BCAP31: variants seen among roughly 807,000 people sequenced by gnomAD.
The protein encoded by BCAP31 is B cell receptor associated protein 31.
For synonymous variants in BCAP31, 75 were observed against 80.9 expected, an observed-to-expected ratio of 0.93 and a Z score of 0.39; for missense variants, 124 against 193.0, an observed-to-expected ratio of 0.64 and a Z score of 2.12.
At chrX:153,703,581 G>A (rs1156391671) in intron 5 of BCAP31, among the ~76,000 whole-genome samples, 1 of 113,090 alleles carries the variant, frequency 8.8e-6, no homozygotes, top group Non-Finnish European at 1.9e-5. Flanking sequence ...AGCACTGAGG[G>A]ATGCCACAGA....
chrX:153,718,134 G>A (rs1430487288), intron 3 of BCAP31, among the ~76,000 whole-genome samples: 2 of 110,186 alleles, frequency 1.8e-5, no homozygotes, highest in African/African-American at 6.6e-5. Context: ...TGGCCAACAC[G>A]GTGAAACCTC....
In BCAP31 at chrX:153,715,643, C is replaced by A; in HGVS notation, c.240G>T (p.Val80=). 1 of 1,211,626 alleles carries A rather than the reference C, an allele frequency of 8.3e-7. No individual in the cohort carries two copies. The highest frequency in any genetic ancestry group is 2.3e-4 in the Middle Eastern group (1 of 4,351). Residue 80 remains valine, a synonymous_variant, in exon 4 of 8, where the codon GTG becomes GTT. Transcript: ENST00000345046. ...IRKYDDVTEK[V]NLQNNPGAME... ...TGGCCCCGGGATTGTTCTGGAGGTT[C>A]ACCTTTTCCGTCACATCATCATACT...
At chrX:153,712,565 C>G (rs1486750001) in intron 4 of BCAP31, among the ~76,000 whole-genome samples, 1 of 111,160 alleles carries the variant, frequency 9.0e-6, no homozygotes. Context: ...TTTTTAAACA[C>G]GGGAATGTTT....
Position 153,700,763 on chromosome X carries a change from A to G in BCAP31, c.*174T>C, listed in dbSNP as rs1169621771. The G allele has an allele frequency of 2.3e-6, 1 of 442,473 alleles. No homozygotes were observed. The highest frequency in any genetic ancestry group is 2.6e-5 in the African/African-American group (1 of 38,844). The allele number at this position is 442,473 out of a possible 1,213,427, so 36.5% of individuals were successfully genotyped here. Reference sequence around the variant, plus strand: ...AACGTGTAGCAATCAGGTCCCCTGTAATGTGCTTGGAGAGTGTGGACAAGG... The same window carrying G: ...AACGTGTAGCAATCAGGTCCCCTGTGATGTGCTTGGAGAGTGTGGACAAGG... On this transcript the variant is annotated 3_prime_UTR_variant, in exon 8 of 8. Transcript: ENST00000345046.
At chrX:153,709,947 C>T (rs1207215011) in intron 4 of BCAP31, among the ~76,000 whole-genome samples, 3 of 112,642 alleles carry the variant, frequency 2.7e-5, no homozygotes, top group Non-Finnish European at 5.6e-5. Context: ...CCGAGGACAG[C>T]GCTATGGGTC....
At chrX:153,723,345 G>A in intron 1 of BCAP31, 57 bp from the exon 2 acceptor site, 3 of 1,149,764 alleles carry the variant, frequency 2.6e-6, no homozygotes, top group South Asian at 2.0e-5. Flanking sequence ...AGAACATCCA[G>A]TTCAGTTACC....
chrX:153,720,348 C>A (rs1221404903), intron 3 of BCAP31, among the ~76,000 whole-genome samples: 1 of 105,498 alleles, frequency 9.5e-6, no homozygotes, highest in Non-Finnish European at 2.0e-5. Flanking sequence ...TAAGCCCACG[C>A]CCACTGCTAG....
intron 3 of BCAP31, among the ~76,000 whole-genome samples, chrX:153,717,205 G>A (rs1222539592): frequency 7.1e-5 from 8 of 112,414 alleles, no homozygotes; most frequent in African/African-American, 2.6e-4. Context: ...AATAATTGCT[G>A]AGTCAGTGAG....
intron 4 of BCAP31, among the ~76,000 whole-genome samples, chrX:153,706,710 G>A (rs2091557234): frequency 8.9e-6 from 1 of 112,448 alleles, no homozygotes; most frequent in East Asian, 2.8e-4. Flanking sequence ...TCCAAAACGG[G>A]CCTTCCCTTG....
At chrX:153,702,415 G>A (rs782411939) in intron 6 of BCAP31, 1 of 246,620 alleles carries the variant, frequency 4.1e-6, no homozygotes, top group Non-Finnish European at 7.2e-6. Flanking sequence ...TGGGAGACAG[G>A]GAGCAAGATC....
chrX:153,710,802 C>T (rs1303173611), intron 4 of BCAP31, among the ~76,000 whole-genome samples: 1 of 111,959 alleles, frequency 8.9e-6, no homozygotes, highest in African/African-American at 3.2e-5. Context: ...ACCAGGCCTT[C>T]TCCAGAATGT....
rs782017286 is a variant in BCAP31, at chrX:153,723,330, A to G, written c.-44-42T>C. On this transcript the variant is annotated intron_variant, in intron 1 of 7. Transcript: ENST00000345046. ...GGTACGGGACTTGTAAGCGCTGGGCAGCCAAGAACATCCAGTTCAGTTACC... is the reference window on the plus strand; with the variant it reads ...GGTACGGGACTTGTAAGCGCTGGGCGGCCAAGAACATCCAGTTCAGTTACC... 1.0e-5 allele frequency: 12 copies of G among 1,159,128 alleles called. No individual in the cohort carries two copies. In the African/African-American group the frequency reaches 2.0e-4, roughly 19 times the overall value.
intron 5 of BCAP31, 23 bp downstream of exon 5, chrX:153,703,936 G>A (rs2091536175): frequency 8.3e-7 from 1 of 1,208,297 alleles, no homozygotes; most frequent in Non-Finnish European, 1.1e-6. Context: ...ACGCCCCATG[G>A]TGGGTCGGGA....
Position 153,704,016 on chromosome X carries a change from C to T in BCAP31, c.420G>A (p.Ala140=). 6.6e-6 allele frequency: 8 copies of T among 1,211,761 alleles called. No individual in the cohort carries two copies. The highest frequency in any genetic ancestry group is 3.5e-5 in the South Asian group (2 of 57,027). ...LASNEAFKKQ[A]ESASEAAKKY... is the part of the protein sequence containing the mutation. ...TCTTGGCCGCCTCACTAGCACTCTC[C>T]GCCTGCTTTTTAAAGGCTTCATTGG... The change falls in exon 5 of 8, where the codon GCG becomes GCA. Residue 140 remains alanine (A), a synonymous_variant. Coordinates refer to ENST00000345046, the MANE Select transcript of BCAP31 (RefSeq NM_001256447.2).
rs192268909 is a variant in BCAP31 at position 153,700,893 on chromosome X, G to A, written c.*44C>T. 1.3e-3 allele frequency: 1,541 copies of A among 1,177,563 alleles called. 17 individuals carry two copies. In the East Asian group the frequency reaches 0.034, roughly 26 times the overall value. ...CGGGCTCTCAGGAAGCAGCAGGCAC[G>A]TGCCAGGTGGAAGCCAGCTGCAGGC... On this transcript the variant is annotated 3_prime_UTR_variant, in exon 8 of 8. Transcript: ENST00000345046.
intron 6 of BCAP31, chrX:153,702,547 C>A (rs1232904487): frequency 5.6e-6 from 1 of 177,731 alleles, no homozygotes; most frequent in African/African-American, 3.0e-5. Context: ...CAAAGACAGG[C>A]AGGCCGCTTG....
At chrX:153,718,992 G>A (rs868916813) in intron 3 of BCAP31, among the ~76,000 whole-genome samples, 6 of 111,923 alleles carry the variant, frequency 5.4e-5, no homozygotes, top group African/African-American at 1.9e-4. Flanking sequence ...GTTTGAAGAA[G>A]GCTCTGCAGA....
At chrX:153,707,117 T>A (rs2091560038) in intron 4 of BCAP31, among the ~76,000 whole-genome samples, 1 of 110,787 alleles carries the variant, frequency 9.0e-6, no homozygotes, top group Non-Finnish European at 1.9e-5. Context: ...CCCAGCTCAA[T>A]CCTCACCTCC....
chrX:153,702,229 A>G, intron 6 of BCAP31, 122 bp from the exon 7 acceptor site: 1 of 557,777 alleles, frequency 1.8e-6, no homozygotes, highest in Non-Finnish European at 2.8e-6. Context: ...GTTATACAGG[A>G]GGCTACTTCT....
Sources: gnomAD v4.1 joint callset for allele counts (sites outside exome capture counted in the v4.1 genomes callset) on GRCh38, gnomAD v4.1.1 for gene constraint, MANE v1.5 for transcripts, NCBI Gene and HGNC (gene_info 2026-07-23, HGNC 2026-07-21) for gene names.